The following MBLAC2 variants were observed in gnomAD, a reference collection of about 807,000 sequenced individuals.
MBLAC2 encodes acyl-coenzyme A thioesterase MBLAC2.
A neutral mutation model predicts 23.3 loss-of-function variants in MBLAC2; 24 were observed. That is an observed-to-expected ratio of 1.03 (90% CI 0.75 to 1.45). The LOEUF is 1.45. Ranked by LOEUF, MBLAC2 falls within the 40% of genes most tolerant of loss-of-function variation. The probability of loss-of-function intolerance (pLI) is 0.00; values close to 1 mark genes in which losing one functional copy is unlikely to be tolerated. For missense variants in MBLAC2, 358 were observed against 370.0 expected, an observed-to-expected ratio of 0.97 and a Z score of 0.27; for synonymous variants, 162 against 150.9, an observed-to-expected ratio of 1.07 and a Z score of -0.54.
In MBLAC2 at chr5:90,474,319, G is replaced by A. The variant is rs1338805045; in HGVS notation, c.-27C>T. ...CTGGGCAGGGGTGCAGCCAGGCGGG[G>A]TGAGTGTGGGCGTGCGAGTCTCCCA... On this transcript the variant is annotated 5_prime_UTR_variant, in exon 1 of 2. Transcript: ENST00000316610. 2 of 1,603,188 alleles carry A rather than the reference G, an allele frequency of 1.2e-6. No individual in the cohort carries two copies. Among genetic ancestry groups the A allele is most frequent in the Non-Finnish European group, 1.7e-6 (2 of 1,173,024 alleles).
At chr5:90,464,691 G>A (rs547810851) in intron 1 of MBLAC2, among the ~76,000 whole-genome samples, 6 of 152,234 alleles carry the variant, frequency 3.9e-5, no homozygotes, top group Middle Eastern at 6.8e-3. Flanking sequence ...ATAGGAAAAT[G>A]ACCAAGTGAA....
At chr5:90,466,091 C>A (rs1750440749) in intron 1 of MBLAC2, among the ~76,000 whole-genome samples, 1 of 152,192 alleles carries the variant, frequency 6.6e-6, no homozygotes, top group Non-Finnish European at 1.5e-5. Context: ...AATAAAACAT[C>A]ACTTCTCAGT....
chr5:90,474,015 T>A lies in MBLAC2; in HGVS notation c.278A>T (p.Tyr93Phe), dbSNP rs749328519. The A allele has an allele frequency of 6.3e-7, 1 of 1,596,526 alleles. No homozygotes were observed. Among genetic ancestry groups the A allele is most frequent in the Non-Finnish European group, 8.5e-7 (1 of 1,172,838 alleles). The change falls in exon 1 of 2, where the codon TAC becomes TTC. Residue 93 changes from tyrosine to phenylalanine, a missense_variant. Coordinates refer to ENST00000316610, the MANE Select transcript of MBLAC2 (RefSeq NM_203406.2). ...GTGCACTGCCACGCGGTCGAACTGGTAGAGGCCGCCGGAGTGGTCGAAGTG... is the reference window on the plus strand; with the variant it reads ...GTGCACTGCCACGCGGTCGAACTGGAAGAGGCCGCCGGAGTGGTCGAAGTG... The part of the protein sequence containing the change: ...HVHFDHSGGL[Y>F]QFDRVAVHHA...
In MBLAC2 at chr5:90,473,825, C is replaced by A; in HGVS notation, c.454+14G>T. On this transcript the variant is annotated intron_variant, in intron 1 of 1. Coordinates refer to ENST00000316610, the MANE Select transcript of MBLAC2 (RefSeq NM_203406.2). ...CTCCCTTAACGAGAGCGCGCGCCCG[C>A]GGGGGCCCATTACCATCCTGCAGGA... 6.4e-7 allele frequency: 1 copy of A among 1,561,102 alleles called. No individual in the cohort carries two copies. Among genetic ancestry groups the A allele is most frequent in the Non-Finnish European group, 8.7e-7 (1 of 1,152,508 alleles).
chr5:90,472,015 G>C (rs1750556611), intron 1 of MBLAC2: 1 of 152,050 alleles, frequency 6.6e-6, no homozygotes, highest in East Asian at 1.9e-4. Context: ...AAAAATGTTG[G>C]GATTCTACCA....
rs1285259405 is a variant in MBLAC2, at chr5:90,474,604, G to A, written c.-312C>T. 2.5e-6 allele frequency: 1 copy of A among 394,584 alleles called. No homozygotes were observed. Among genetic ancestry groups the A allele is most frequent in the Non-Finnish European group, 4.6e-6 (1 of 215,996 alleles). The allele number at this position is 394,584 out of a possible 1,614,324, so 24.4% of individuals were successfully genotyped here. A position where few individuals can be genotyped will look rare whatever the true frequency, so the allele number is the denominator to read the frequency against. ...ACCACGAGAGAGCTTTAACGCAGGGGCCACTGCAGCAGAATGGAGACTCAG... is the reference window on the plus strand; with the variant it reads ...ACCACGAGAGAGCTTTAACGCAGGGACCACTGCAGCAGAATGGAGACTCAG... On this transcript the variant is annotated 5_prime_UTR_variant, in exon 1 of 2. Transcript: ENST00000316610.
chr5:90,461,177 G>A lies in MBLAC2; in HGVS notation c.830C>T (p.Thr277Ile), dbSNP rs747655105. Residue 277 changes from threonine (T) to isoleucine (I), a missense_variant, in exon 2 of 2, where the codon ACC becomes ATC. Coordinates refer to ENST00000316610, the MANE Select transcript of MBLAC2 (RefSeq NM_203406.2). ...SLALRVTNSR[T>I]SP ...TTATCAGTATAGATACTAGGGCGAG[G>A]TCCTAGAATTTGTTACACGTAGAGC... The A allele has an allele frequency of 6.3e-6, 10 of 1,598,862 alleles. No individual in the cohort carries two copies. In the Middle Eastern group the frequency reaches 5.0e-4, roughly 80 times the overall value.
rs1242620482 is a variant in MBLAC2, at chr5:90,459,593, C to T, written c.*1574G>A. On this transcript the variant is annotated 3_prime_UTR_variant, in exon 2 of 2. Transcript: ENST00000316610. ...TGCCTAACCAAAGTTCACACCCCTCCATTTATGTCCCTTACACGCATGTAT... is the reference window on the plus strand; with the variant it reads ...TGCCTAACCAAAGTTCACACCCCTCTATTTATGTCCCTTACACGCATGTAT... 6.6e-6 allele frequency: 1 copy of T among 152,126 alleles called. No homozygotes were observed. Among genetic ancestry groups the T allele is most frequent in the Non-Finnish European group, 1.5e-5 (1 of 67,986 alleles). The allele number at this position is 152,126 out of a possible 1,614,324, so 9.4% of individuals were successfully genotyped here. A position where few individuals can be genotyped will look rare whatever the true frequency, so the allele number is the denominator to read the frequency against.
rs1750320516 is a variant in MBLAC2 at position 90,459,456 on chromosome 5, T to C, written c.*1711A>G. 1 of 152,190 alleles carries C rather than the reference T, an allele frequency of 6.6e-6. No homozygotes were observed. Among genetic ancestry groups the C allele is most frequent in the Admixed American group, 6.5e-5 (1 of 15,284 alleles). 9.4% of individuals were successfully genotyped at this position (152,190 alleles called of 1,614,324 possible). On this transcript the variant is annotated 3_prime_UTR_variant, in exon 2 of 2. Coordinates refer to ENST00000316610, the MANE Select transcript of MBLAC2 (RefSeq NM_203406.2). ...TATTTTCACAAGGAATAGACTATTC[T>C]AGACTAGCAATGCTTATATCCCTAT...
At chr5:90,466,697 A>G (rs1322967028) in intron 1 of MBLAC2, among the ~76,000 whole-genome samples, 3 of 152,274 alleles carry the variant, frequency 2.0e-5, no homozygotes, top group Non-Finnish European at 4.4e-5. Flanking sequence ...ATACCATTTA[A>G]TAAAGTGGAT....
At chr5:90,461,747 G>C (rs1242787392) in intron 1 of MBLAC2, among the ~76,000 whole-genome samples, 195 bp from the exon 2 acceptor site, 1 of 152,160 alleles carries the variant, frequency 6.6e-6, no homozygotes, top group African/African-American at 2.4e-5. Context: ...ACCAGTGTTT[G>C]CCAAAGCAAG....
At chr5:90,471,486 G>A (rs1231914678) in intron 1 of MBLAC2, among the ~76,000 whole-genome samples, 1 of 152,120 alleles carries the variant, frequency 6.6e-6, no homozygotes, top group Admixed American at 6.5e-5. Context: ...TTAGTAGGGC[G>A]AGTTGCTTTT....
chr5:90,472,415 ACT>A (rs1261174539), intron 1 of MBLAC2: 2 of 151,684 alleles, frequency 1.3e-5, no homozygotes, highest in South Asian at 2.1e-4. Context: ...ATAATGTAAG[ACT>A]CTTATCTAAA....
At chr5:90,467,256 T>C (rs1471402313) in intron 1 of MBLAC2, among the ~76,000 whole-genome samples, 1 of 152,250 alleles carries the variant, frequency 6.6e-6, no homozygotes, top group African/African-American at 2.4e-5. Flanking sequence ...CTTGATGACC[T>C]GTCTAGTACT....
At chr5:90,470,493 G>T (rs1426493294) in intron 1 of MBLAC2, among the ~76,000 whole-genome samples, 1 of 152,058 alleles carries the variant, frequency 6.6e-6, no homozygotes, top group Non-Finnish European at 1.5e-5. Flanking sequence ...AAAAAAAGAA[G>T]GGGGGACAAG....
Position 90,459,446 on chromosome 5 carries a change from T to C in MBLAC2, c.*1721A>G, listed in dbSNP as rs1750320416. ...ATTAAATTTATATTTTCACAAGGAATAGACTATTCTAGACTAGCAATGCTT... is the reference window on the plus strand; with the variant it reads ...ATTAAATTTATATTTTCACAAGGAACAGACTATTCTAGACTAGCAATGCTT... On this transcript the variant is annotated 3_prime_UTR_variant, in exon 2 of 2. Transcript: ENST00000316610. 6.6e-6 allele frequency: 1 copy of C among 152,166 alleles called. No individual in the cohort carries two copies. The highest frequency in any genetic ancestry group is 1.5e-5 in the Non-Finnish European group (1 of 67,990). 9.4% of individuals were successfully genotyped at this position (152,166 alleles called of 1,614,324 possible).
intron 1 of MBLAC2, among the ~76,000 whole-genome samples, chr5:90,464,133 T>C (rs915810097): frequency 6.6e-6 from 1 of 152,230 alleles, no homozygotes; most frequent in African/African-American, 2.4e-5. Context: ...AAAGGCTTCA[T>C]TGATCAATTC....
At chr5:90,471,738 T>C (rs1750551622) in intron 1 of MBLAC2, 2 of 152,196 alleles carry the variant, frequency 1.3e-5, no homozygotes, top group African/African-American at 4.8e-5. Flanking sequence ...ATTTTATGTA[T>C]CCTCCCAGGC....
At chr5:90,468,384 A>AT (rs1196370224) in intron 1 of MBLAC2, among the ~76,000 whole-genome samples, 5 of 150,432 alleles carry the variant, frequency 3.3e-5, no homozygotes, top group Admixed American at 6.6e-5. Flanking sequence ...GGCCTTGTTC[A>AT]TTTTTTTTTA....
Sources: gnomAD v4.1 joint callset for allele counts (sites outside exome capture counted in the v4.1 genomes callset) on GRCh38, gnomAD v4.1.1 for gene constraint, MANE v1.5 for transcripts, NCBI Gene and HGNC (gene_info 2026-07-23, HGNC 2026-07-21) for gene names.